FBXL20: variants seen among roughly 807,000 people sequenced by gnomAD.
FBXL20 encodes the protein F-box/LRR-repeat protein 20.
A neutral mutation model predicts 64.0 loss-of-function variants in FBXL20; 11 were observed. The observed-to-expected ratio is 0.17, with a 90% confidence interval of 0.11 to 0.28. FBXL20 has a LOEUF of 0.28. FBXL20 is among the 10% of genes least tolerant of loss of function. The pLI, the probability that FBXL20 is intolerant of heterozygous loss-of-function variation, is 1.00. For synonymous variants in FBXL20, 184 were observed against 189.0 expected (o/e 0.97, Z 0.22); for missense variants, 303 against 526.2 (o/e 0.58, Z 4.15).
At chr17:39,344,220 G>C (rs532340852) in intron 1 of FBXL20, among the ~76,000 whole-genome samples, 4 of 151,868 alleles carry the variant, frequency 2.6e-5, no homozygotes, top group Non-Finnish European at 2.9e-5. Flanking sequence ...GCGTGGTGGT[G>C]TGCGTCTGTG....
chr17:39,310,840 T>C (rs536030298), intron 2 of FBXL20, among the ~76,000 whole-genome samples: 4 of 151,716 alleles, frequency 2.6e-5, no homozygotes, highest in Non-Finnish European at 5.9e-5. Flanking sequence ...CAAAAATTAG[T>C]CAGGCATGGT....
intron 2 of FBXL20, among the ~76,000 whole-genome samples, chr17:39,315,910 A>G (rs2047287158): frequency 1.3e-5 from 2 of 151,650 alleles, no homozygotes; most frequent in African/African-American, 4.8e-5. Context: ...AGGGGAACTG[A>G]GTAAATAATA....
intron 1 of FBXL20, among the ~76,000 whole-genome samples, chr17:39,383,074 A>G (rs531797795): frequency 3.4e-4 from 52 of 151,358 alleles, no homozygotes; most frequent in African/African-American, 1.2e-3. Context: ...CAGGTCGGAG[A>G]ATCTCTTGAA....
At chr17:39,396,609 AAAG>A (rs2048186191) in intron 1 of FBXL20, among the ~76,000 whole-genome samples, 1 of 151,134 alleles carries the variant, frequency 6.6e-6, no homozygotes, top group African/African-American at 2.4e-5. Context: ...AAAAAAAAAA[AAAG>A]AAAGAAATGA....
intron 3 of FBXL20, among the ~76,000 whole-genome samples, chr17:39,302,860 C>G (rs1007355875): frequency 2.0e-5 from 3 of 151,922 alleles, no homozygotes; most frequent in Non-Finnish European, 4.4e-5. Context: ...GTAGGACTTA[C>G]AACTGTGATA....
rs1160916924 is a variant in FBXL20 at position 39,390,218 on chromosome 17, T to G, written c.42+11143A>C. On this transcript the variant is annotated intron_variant, in intron 1 of 14. Coordinates refer to ENST00000264658, the MANE Select transcript of FBXL20 (RefSeq NM_032875.3). ...TTTGGGAAGCCAAGGTCCAGGAGTTTGAGACCAGCCTGGGCAACATGGCGA... is the reference window on the plus strand; with the variant it reads ...TTTGGGAAGCCAAGGTCCAGGAGTTGGAGACCAGCCTGGGCAACATGGCGA... 3.3e-5 allele frequency among the ~76,000 whole-genome samples: 5 copies of G among 152,086 alleles called. No homozygotes were observed. The East Asian group carries it at 9.6e-4, about 29-fold the overall frequency.
At chr17:39,370,404 C>G (rs1031389832) in intron 1 of FBXL20, among the ~76,000 whole-genome samples, 2 of 151,742 alleles carry the variant, frequency 1.3e-5, no homozygotes, top group African/African-American at 4.8e-5. Flanking sequence ...GCAGAAGCAT[C>G]GCTTGAACCC....
chr17:39,298,499 G>C (rs2047106474), intron 5 of FBXL20, among the ~76,000 whole-genome samples: 1 of 152,218 alleles, frequency 6.6e-6, no homozygotes, highest in African/African-American at 2.4e-5. Context: ...CAAGAGGACT[G>C]CTTGAGTGCA....
At chr17:39,379,163 T>C (rs1463868902) in intron 1 of FBXL20, among the ~76,000 whole-genome samples, 10 of 147,762 alleles carry the variant, frequency 6.8e-5, no homozygotes, top group African/African-American at 2.5e-4. Flanking sequence ...GAGGCGGAGG[T>C]TGTGGTGAGC....
chr17:39,401,817 G>A (rs1160430859), upstream of FBXL20: 5 of 687,890 alleles, frequency 7.3e-6, no homozygotes, highest in Non-Finnish European at 9.4e-6. Flanking sequence ...CCCGGGAGCA[G>A]CCGGTGCGCG....
intron 1 of FBXL20, among the ~76,000 whole-genome samples, chr17:39,346,551 A>G (rs2047634362): frequency 1.3e-5 from 2 of 152,170 alleles, no homozygotes; most frequent in African/African-American, 4.8e-5. Context: ...AGTTGTCTGT[A>G]AGATTAACAG....
intron 1 of FBXL20, among the ~76,000 whole-genome samples, chr17:39,379,783 A>G (rs2048005011): frequency 6.6e-6 from 1 of 151,908 alleles, no homozygotes; most frequent in Admixed American, 6.6e-5. Context: ...CCTGTCTCAA[A>G]TAAATAAAAT....
chr17:39,299,117 C>A (rs749000822), intron 4 of FBXL20, 33 bp from the exon 5 acceptor site: 1 of 1,427,866 alleles, frequency 7.0e-7, no homozygotes, highest in Non-Finnish European at 9.8e-7. Context: ...AAAAAGATAA[C>A]CCACCTCATT....
At chr17:39,336,554 G>A (rs1319320369) in intron 2 of FBXL20, among the ~76,000 whole-genome samples, 4 of 152,158 alleles carry the variant, frequency 2.6e-5, no homozygotes, top group East Asian at 1.9e-4. Flanking sequence ...GGTTGGGGGC[G>A]GTGGCTCACA....
chr17:39,373,789 A>T (rs1330972304), intron 1 of FBXL20, among the ~76,000 whole-genome samples: 1 of 152,222 alleles, frequency 6.6e-6, no homozygotes, highest in Non-Finnish European at 1.5e-5. Flanking sequence ...AAGCCACAAA[A>T]CAAGTATTTG....
At chr17:39,380,848 C>A (rs771709888) in intron 1 of FBXL20, among the ~76,000 whole-genome samples, 6 of 152,120 alleles carry the variant, frequency 3.9e-5, no homozygotes, top group Non-Finnish European at 5.9e-5. Context: ...ACCTGTACTA[C>A]CATTAAAAAC....
intron 2 of FBXL20, 24 bp downstream of exon 2, chr17:39,343,156 C>A: frequency 6.4e-7 from 1 of 1,554,514 alleles, no homozygotes; most frequent in Non-Finnish European, 8.7e-7. Flanking sequence ...TAAAAAAACC[C>A]ATAAAATTAG....
At chr17:39,364,012 C>A (rs1263226968) in intron 1 of FBXL20, among the ~76,000 whole-genome samples, 1 of 151,074 alleles carries the variant, frequency 6.6e-6, no homozygotes, top group South Asian at 2.1e-4. Context: ...GCCTCAGCCT[C>A]CCGAGTAGCT....
chr17:39,387,578 C>CT (rs567825913), intron 1 of FBXL20, among the ~76,000 whole-genome samples: 1,277 of 124,504 alleles, frequency 0.01, 6 homozygotes, highest in East Asian at 0.021. Flanking sequence ...AGCGCCCAAT[C>CT]TTTTTTTTTT....
Sources: allele counts gnomAD v4.1 joint callset (sites outside exome capture counted in the v4.1 genomes callset), GRCh38; gene constraint gnomAD v4.1.1; transcripts MANE v1.5; gene names NCBI Gene and HGNC (gene_info 2026-07-23, HGNC 2026-07-21).